The following GPR39 variants were observed in gnomAD, a reference collection of about 807,000 sequenced individuals.
GPR39 encodes the protein zinc sensing receptor.
Under a neutral mutation model 18.4 loss-of-function variants are expected in GPR39, and 23 were observed. That is an observed-to-expected ratio of 1.25 (90% CI 0.90 to 1.77). The LOEUF (loss-of-function observed/expected upper bound fraction) is 1.77. GPR39 is among the 40% of genes most tolerant of loss of function. The pLI, the probability that GPR39 is intolerant of heterozygous loss-of-function variation, is 0.00. For synonymous variants in GPR39, 280 were observed against 257.9 expected (o/e 1.09, Z -0.82); for missense variants, 647 against 602.4 (o/e 1.07, Z -0.78).
At chr2:132,636,921 C>G (rs1048252374) in intron 1 of GPR39, among the ~76,000 whole-genome samples, 1 of 152,218 alleles carries the variant, frequency 6.6e-6, no homozygotes, top group Admixed American at 6.5e-5. Flanking sequence ...CCACCACCCA[C>G]TCCTGTGCTG....
chr2:132,544,970 T>C (rs562981495), intron 1 of GPR39, among the ~76,000 whole-genome samples: 4 of 152,318 alleles, frequency 2.6e-5, no homozygotes, highest in South Asian at 2.1e-4. Context: ...GGTAGATATA[T>C]GTAAAATAGG....
At position 132,492,419 on chromosome 2, in the gene GPR39, A is replaced by G. The variant is rs564998917; in HGVS notation, c.856+74521A>G. 4.2e-5 allele frequency among the ~76,000 whole-genome samples: 6 copies of G among 143,576 alleles called. No individual in the cohort carries two copies. The South Asian group carries it at 9.2e-4, about 22-fold the overall frequency. The allele number at this position is 143,576 out of a possible 152,430, so 94.2% of individuals were successfully genotyped here. On this transcript the variant is annotated intron_variant, in intron 1 of 1. Transcript: ENST00000329321. ...CCATATATATACATACCATATATATACCATATATACACCATATATATACAC... is the reference window on the plus strand; with the variant it reads ...CCATATATATACATACCATATATATGCCATATATACACCATATATATACAC...
intron 1 of GPR39, among the ~76,000 whole-genome samples, chr2:132,588,686 G>C (rs1275512653): frequency 1.3e-5 from 2 of 152,154 alleles, no homozygotes; most frequent in Non-Finnish European, 2.9e-5. Context: ...CTTCAAGCTT[G>C]AATGTTCCAG....
intron 1 of GPR39, among the ~76,000 whole-genome samples, chr2:132,421,011 G>A (rs556375906): frequency 3.3e-5 from 5 of 152,326 alleles, no homozygotes; most frequent in African/African-American, 1.2e-4. Context: ...TCTGTTTCAA[G>A]GTTTCAGCCA....
chr2:132,567,803 A>G (rs1487116821), intron 1 of GPR39, among the ~76,000 whole-genome samples: 1 of 152,088 alleles, frequency 6.6e-6, no homozygotes, highest in Admixed American at 6.5e-5. Flanking sequence ...GGGCCTCACC[A>G]TCGTTTAATT....
rs545870116 is a variant in GPR39, at chr2:132,515,250, A to G, written c.856+97352A>G. The stretch of plus-strand genomic sequence containing the variant: ...GTCTCCTTCTAGTGACAACCTGTGG[A>G]CAGTGGGTGAGAAAATGCAAGCTGC... On this transcript the variant is annotated intron_variant, in intron 1 of 1. Coordinates refer to ENST00000329321, the MANE Select transcript of GPR39 (RefSeq NM_001508.3). Among the ~76,000 whole-genome samples the G allele has an allele frequency of 1.2e-4, 19 of 152,264 alleles. No homozygotes were observed. The South Asian group carries it at 2.9e-3, about 23-fold the overall frequency.
In GPR39 at chr2:132,645,793, TAC is replaced by T. The variant is rs1157539131; in HGVS notation, c.*191_*192del. On this transcript the variant is annotated 3_prime_UTR_variant, in exon 2 of 2. Coordinates refer to ENST00000329321, the MANE Select transcript of GPR39 (RefSeq NM_001508.3). Reference sequence around the variant, plus strand: ...CTGCCAGCCTGGCCTTGACTCCGGTTACACAGACATGGGGGTGAACTTTCACT... The same window carrying T: ...CTGCCAGCCTGGCCTTGACTCCGGTTACAGACATGGGGGTGAACTTTCACT... 7 of 806,344 alleles carry T rather than the reference TAC, an allele frequency of 8.7e-6. No homozygotes were observed. The highest frequency in any genetic ancestry group is 1.7e-5 in the African/African-American group (1 of 57,776). The allele number at this position is 806,344 out of a possible 1,614,324, so 49.9% of individuals were successfully genotyped here. A position where few individuals can be genotyped will look rare whatever the true frequency, so the allele number is the denominator to read the frequency against.
chr2:132,505,903 T>C (rs530610160), intron 1 of GPR39, among the ~76,000 whole-genome samples: 85 of 152,322 alleles, frequency 5.6e-4, no homozygotes, highest in African/African-American at 2.0e-3. Flanking sequence ...TTCTGTTCCT[T>C]TGGATAAATA....
intron 1 of GPR39, among the ~76,000 whole-genome samples, chr2:132,460,354 G>A (rs995678533): frequency 5.3e-5 from 8 of 152,174 alleles, no homozygotes; most frequent in African/African-American, 1.9e-4. Flanking sequence ...AATCTGATGT[G>A]TCTGAAAGTT....
chr2:132,646,003 G>T lies in GPR39; in HGVS notation c.*397G>T, dbSNP rs746674812. The T allele has an allele frequency of 1.5e-5, 22 of 1,436,850 alleles. No individual in the cohort carries two copies. The highest frequency in any genetic ancestry group is 2.1e-5 in the Non-Finnish European group (22 of 1,069,720). The allele number at this position is 1,436,850 out of a possible 1,614,324, so 89.0% of individuals were successfully genotyped here. On this transcript the variant is annotated 3_prime_UTR_variant, in exon 2 of 2. Coordinates refer to ENST00000329321, the MANE Select transcript of GPR39 (RefSeq NM_001508.3). Reference sequence around the variant, plus strand: ...GGGAGGTGGGGGGTTGGGGGCGAGGGCTGGAAGAACAATGCAGGAGGGGGT... The same window carrying T: ...GGGAGGTGGGGGGTTGGGGGCGAGGTCTGGAAGAACAATGCAGGAGGGGGT...
At chr2:132,598,467 T>TTTG (rs61704849) in intron 1 of GPR39, among the ~76,000 whole-genome samples, 35,538 of 136,818 alleles carry the variant, frequency 0.26, 5,335 homozygotes, top group East Asian at 0.7. Context: ...AATGGGGTTT[T>TTTG]TTGTTGTTGT....
chr2:132,504,156 A>G lies in GPR39; in HGVS notation c.856+86258A>G, dbSNP rs561573628. 8.5e-5 allele frequency among the ~76,000 whole-genome samples: 13 copies of G among 152,232 alleles called. 1 individual carries two copies. Among genetic ancestry groups the G allele is most frequent in the East Asian group, 5.8e-4 (3 of 5,160 alleles). Reference sequence around the variant, plus strand: ...GTTCCTGCAGTCGTTTTTGGAGCAAATGTTCACATTGTGAGTCTCCACATG... The same window carrying G: ...GTTCCTGCAGTCGTTTTTGGAGCAAGTGTTCACATTGTGAGTCTCCACATG... On this transcript the variant is annotated intron_variant, in intron 1 of 1. Coordinates refer to ENST00000329321, the MANE Select transcript of GPR39 (RefSeq NM_001508.3).
chr2:132,461,358 G>A (rs1680829170), intron 1 of GPR39, among the ~76,000 whole-genome samples: 1 of 152,112 alleles, frequency 6.6e-6, no homozygotes, highest in African/African-American at 2.4e-5. Flanking sequence ...CTAGTATCGT[G>A]CTCAAGGTAC....
chr2:132,536,896 T>G (rs1239741162), intron 1 of GPR39, among the ~76,000 whole-genome samples: 1 of 152,108 alleles, frequency 6.6e-6, no homozygotes, highest in African/African-American at 2.4e-5. Context: ...CAACCCCTGC[T>G]TTTTCTTTGC....
At chr2:132,498,682 T>G (rs1681695217) in intron 1 of GPR39, among the ~76,000 whole-genome samples, 1 of 152,230 alleles carries the variant, frequency 6.6e-6, no homozygotes, top group Admixed American at 6.5e-5. Flanking sequence ...CTAGTTTACA[T>G]TCCCACGAGC....
chr2:132,492,834 C>T (rs62645261), intron 1 of GPR39, among the ~76,000 whole-genome samples: 163 of 136,228 alleles, frequency 1.2e-3, no homozygotes, highest in African/African-American at 4.4e-3. Flanking sequence ...ATACCATATA[C>T]ACACCATATA....
chr2:132,463,288 G>A lies in GPR39; in HGVS notation c.856+45390G>A, dbSNP rs115889749. 4.4e-3 allele frequency among the ~76,000 whole-genome samples: 663 copies of A among 151,328 alleles called. 3 individuals carry two copies. Among genetic ancestry groups the A allele is most frequent in the Non-Finnish European group, 6.7e-3 (454 of 68,016 alleles). ...GAGACAGCTTGGTTTCCTTATACAA[G>A]GCACTGAGAGAAAGCAGGGCTAGGG... On this transcript the variant is annotated intron_variant, in intron 1 of 1. Coordinates refer to ENST00000329321, the MANE Select transcript of GPR39 (RefSeq NM_001508.3).
At chr2:132,450,022 T>A (rs1181634634) in intron 1 of GPR39, among the ~76,000 whole-genome samples, 1 of 152,178 alleles carries the variant, frequency 6.6e-6, no homozygotes, top group Non-Finnish European at 1.5e-5. Flanking sequence ...GAAAGATTGA[T>A]GGTGGAATGT....
At chr2:132,598,385 A>G (rs1190665575) in intron 1 of GPR39, among the ~76,000 whole-genome samples, 2 of 148,770 alleles carry the variant, frequency 1.3e-5, no homozygotes, top group Non-Finnish European at 3.0e-5. Flanking sequence ...TTTTAAGATA[A>G]TGATGCCCAT....
Sources: gnomAD v4.1 joint callset for allele counts (sites outside exome capture counted in the v4.1 genomes callset) on GRCh38, gnomAD v4.1.1 for gene constraint, MANE v1.5 for transcripts, NCBI Gene and HGNC (gene_info 2026-07-23, HGNC 2026-07-21) for gene names.